LCOR: variants seen among roughly 807,000 people sequenced by gnomAD.
The protein encoded by LCOR is ligand-dependent corepressor.
LCOR carries 14 observed loss-of-function variants against 64.4 expected under a neutral mutation model. That is an observed-to-expected ratio of 0.22 (90% confidence interval 0.14 to 0.34). LCOR has a LOEUF of 0.34. Among genes scored for constraint, LCOR ranks in the 10% least tolerant of loss-of-function variants. The pLI, the probability that LCOR is intolerant of heterozygous loss-of-function variation, is 1.00. For missense variants in LCOR, 1,686 were observed against 1,765.3 expected (o/e 0.96, Z 0.80); for synonymous variants, 643 against 642.5 (o/e 1.00, Z -0.01).
chr10:96,834,348 C>G (rs1004990809), intron 2 of LCOR, among the ~76,000 whole-genome samples: 1 of 152,066 alleles, frequency 6.6e-6, no homozygotes, highest in Non-Finnish European at 1.5e-5. Context: ...TTAAAATTCC[C>G]CTCCTGCCAA....
intron 2 of LCOR, among the ~76,000 whole-genome samples, chr10:96,869,069 C>T (rs1237298851): frequency 6.6e-6 from 1 of 152,114 alleles, no homozygotes; most frequent in Non-Finnish European, 1.5e-5. Flanking sequence ...TCATGCCCAG[C>T]TAATTTTTAT....
At chr10:96,970,882 G>A (rs948667157) in intron 7 of LCOR, among the ~76,000 whole-genome samples, 3 of 151,874 alleles carry the variant, frequency 2.0e-5, no homozygotes, top group Non-Finnish European at 4.4e-5. Flanking sequence ...GCCTCCCAAA[G>A]TATTAGAATT....
At chr10:96,917,721 A>G (rs1309161275) in intron 4 of LCOR, among the ~76,000 whole-genome samples, 1 of 152,194 alleles carries the variant, frequency 6.6e-6, no homozygotes, top group East Asian at 1.9e-4. Flanking sequence ...TTCTAGAGTC[A>G]TGGCTGTGAA....
At chr10:96,957,016 A>G in intron 7 of LCOR, 6 of 985,328 alleles carry the variant, frequency 6.1e-6, no homozygotes, top group Non-Finnish European at 7.2e-6. Context: ...TGAAGGATCC[A>G]TGTTTGTAGT....
At chr10:96,979,816 AC>A (rs1848067700) in intron 7 of LCOR, among the ~76,000 whole-genome samples, 1 of 152,140 alleles carries the variant, frequency 6.6e-6, no homozygotes, top group African/African-American at 2.4e-5. Flanking sequence ...CATTAGCATG[AC>A]CAATTGGTCA....
intron 2 of LCOR, among the ~76,000 whole-genome samples, chr10:96,906,497 G>A (rs1485585455): frequency 6.6e-6 from 1 of 152,142 alleles, no homozygotes; most frequent in Non-Finnish European, 1.5e-5. Context: ...GAAATTGCAA[G>A]ATGGCAAAGA....
chr10:96,956,342 T>G, intron 7 of LCOR: 3 of 988,332 alleles, frequency 3.0e-6, no homozygotes, highest in Non-Finnish European at 2.4e-6. Context: ...ACTGGGAGCT[T>G]TATCACTGCA....
rs1845384105 is a variant in LCOR at position 96,833,487 on chromosome 10, G to A, written c.-330+8G>A. On this transcript the variant is annotated splice_region_variant and intron_variant, in intron 2 of 7. Transcript: ENST00000421806. ...TTAACCCCCCTCCAAAAAGTAAGTGGCCCGTGTGGTGTCTCCGCTCCGCCC... is the reference window on the plus strand; with the variant it reads ...TTAACCCCCCTCCAAAAAGTAAGTGACCCGTGTGGTGTCTCCGCTCCGCCC... 3 of 984,518 alleles carry A rather than the reference G, an allele frequency of 3.0e-6. No homozygotes were observed. The highest frequency in any genetic ancestry group is 3.6e-6 in the Non-Finnish European group (3 of 828,814). The allele number at this position is 984,518 out of a possible 1,614,324, so 61.0% of individuals were successfully genotyped here.
chr10:96,893,215 A>G (rs1846475677), intron 2 of LCOR, among the ~76,000 whole-genome samples: 1 of 152,136 alleles, frequency 6.6e-6, no homozygotes, highest in South Asian at 2.1e-4. Context: ...CCCCCCTCCA[A>G]TAAATCTTTA....
At chr10:96,833,625 G>A in intron 2 of LCOR, 146 bp downstream of exon 2, 1 of 200,104 alleles carries the variant, frequency 5.0e-6, no homozygotes, top group Non-Finnish European at 8.9e-6. Flanking sequence ...CCCTCTCGTC[G>A]TCCGCTGTCC....
At chr10:96,954,050 A>G (rs1847724863) in intron 7 of LCOR, among the ~76,000 whole-genome samples, 1 of 152,216 alleles carries the variant, frequency 6.6e-6, no homozygotes, top group African/African-American at 2.4e-5. Context: ...TTGAAATTTC[A>G]AAATAGGTGT....
At chr10:96,951,826 T>G (rs1589678586) in intron 6 of LCOR, among the ~76,000 whole-genome samples, 1 of 152,308 alleles carries the variant, frequency 6.6e-6, no homozygotes, top group Admixed American at 6.5e-5. Context: ...AACTGCTATT[T>G]CTAGTATTTC....
rs908340990 is a variant in LCOR, at chr10:96,993,849, G to A, written c.*8715G>A. The A allele has an allele frequency of 4.6e-5, 7 of 151,778 alleles. No homozygotes were observed. Among genetic ancestry groups the A allele is most frequent in the African/African-American group, 1.2e-4 (5 of 41,326 alleles). The allele number at this position is 151,778 out of a possible 1,614,324, so 9.4% of individuals were successfully genotyped here. ...CAGATTTCCAGATGTTCTTTCTGAT[G>A]TGTTGCCCATAAGCAATAAGATCCT... On this transcript the variant is annotated 3_prime_UTR_variant, in exon 8 of 8. Coordinates refer to ENST00000421806, the MANE Select transcript of LCOR (RefSeq NM_001346516.2).
intron 2 of LCOR, among the ~76,000 whole-genome samples, chr10:96,905,446 G>A (rs1846711184): frequency 6.6e-6 from 1 of 152,092 alleles, no homozygotes; most frequent in African/African-American, 2.4e-5. Context: ...TCTTTTGGGA[G>A]GGCAGGTAGG....
chr10:96,846,531 G>T (rs894282525), intron 2 of LCOR, among the ~76,000 whole-genome samples: 1 of 152,100 alleles, frequency 6.6e-6, no homozygotes, highest in African/African-American at 2.4e-5. Context: ...GTGATTACAG[G>T]CATGAGCCAC....
intron 4 of LCOR, among the ~76,000 whole-genome samples, chr10:96,921,772 T>C (rs2134475183): frequency 6.6e-6 from 1 of 152,328 alleles, no homozygotes; most frequent in Non-Finnish European, 1.5e-5. Flanking sequence ...CCCAGCTTCA[T>C]TAGCAGCATG....
At chr10:96,841,880 A>G (rs1845547755) in intron 2 of LCOR, among the ~76,000 whole-genome samples, 1 of 151,026 alleles carries the variant, frequency 6.6e-6, no homozygotes, top group South Asian at 2.2e-4. Context: ...GATTACAGGC[A>G]TGAGCCACTC....
At chr10:96,955,123 A>G in intron 7 of LCOR, 1 of 1,614,182 alleles carries the variant, frequency 6.2e-7, no homozygotes, top group African/African-American at 1.3e-5. Flanking sequence ...AGCAGAAACC[A>G]ATTGTCCACA....
chr10:96,983,841 G>T lies in LCOR; in HGVS notation c.3381G>T (p.Gln1127His). 2 of 1,614,136 alleles carry T rather than the reference G, an allele frequency of 1.2e-6. No homozygotes were observed. Among genetic ancestry groups the T allele is most frequent in the Non-Finnish European group, 1.7e-6 (2 of 1,180,020 alleles). ...TGAAAGTTCAGAAGGGCTGGATCCAGTTGGAGAAAGAAGGACAGCCAACAC... is the reference window on the plus strand; with the variant it reads ...TGAAAGTTCAGAAGGGCTGGATCCATTTGGAGAAAGAAGGACAGCCAACAC... Reference protein sequence around the residue: ...QYMKVQKGWIQLEKEGQPTPR... With the variant: ...QYMKVQKGWIHLEKEGQPTPR... Residue 1127 changes from glutamine to histidine, a missense_variant, in exon 8 of 8, where the codon CAG becomes CAT. Gln to His is a conservative substitution (Grantham distance 24, BLOSUM62 0). Around this residue, in one of 3 missense-constraint regions of LCOR, gnomAD observed 1,293 missense variants for 1,410.4 expected, o/e 0.92. Transcript: ENST00000421806. The surrounding 1 kb of genome is among the most constrained non-coding windows in gnomAD (Gnocchi z 4.5).
Sources: gnomAD v4.1 joint callset for allele counts (sites outside exome capture counted in the v4.1 genomes callset) on GRCh38, gnomAD v4.1.1 for gene constraint, gnomAD v4.1.1 regional missense constraint, Gnocchi (gnomAD v3.1) non-coding constraint, MANE v1.5 for transcripts, NCBI Gene and HGNC (gene_info 2026-07-23, HGNC 2026-07-21) for gene names.